The following FGF14 variants were observed in gnomAD, a reference collection of about 807,000 sequenced individuals.
FGF14 encodes the protein fibroblast growth factor homologous factor 4.
FGF14 carries 5 observed loss-of-function variants against 25.5 expected under a neutral mutation model. That is an observed-to-expected ratio of 0.20 (90% CI 0.10 to 0.41). FGF14 has a LOEUF of 0.41. Ranked by LOEUF, FGF14 falls within the 10% of genes least tolerant of loss-of-function variation. FGF14 has a pLI of 1.00. For synonymous variants in FGF14, 138 were observed against 118.3 expected (o/e 1.17, Z -1.08); for missense variants, 222 against 320.1 (o/e 0.69, Z 2.34).
chr13:101,871,816 T>C (rs2045105575), intron 2 of FGF14, among the ~76,000 whole-genome samples: 1 of 152,042 alleles, frequency 6.6e-6, no homozygotes, highest in Non-Finnish European at 1.5e-5. Context: ...GAAAGATCTT[T>C]CCATTATTAT....
At chr13:101,988,784 G>A (rs990053293) in intron 1 of FGF14, among the ~76,000 whole-genome samples, 3 of 151,946 alleles carry the variant, frequency 2.0e-5, no homozygotes, top group East Asian at 1.9e-4. Flanking sequence ...TGCAGCACAC[G>A]AACATGGCAC....
intron 1 of FGF14, among the ~76,000 whole-genome samples, chr13:102,067,404 G>C (rs1380989130): frequency 6.6e-6 from 1 of 151,826 alleles, no homozygotes; most frequent in Non-Finnish European, 1.5e-5. Flanking sequence ...GTGATGAATA[G>C]GATGTAATGA....
At chr13:102,044,588 C>T (rs1220756456) in intron 1 of FGF14, among the ~76,000 whole-genome samples, 1 of 152,012 alleles carries the variant, frequency 6.6e-6, no homozygotes, top group South Asian at 2.1e-4. Flanking sequence ...CTTGGAGATA[C>T]TCTGAAGCAT....
chr13:102,120,827 C>T (rs1367240908), intron 1 of FGF14, among the ~76,000 whole-genome samples: 1 of 151,990 alleles, frequency 6.6e-6, no homozygotes, highest in Non-Finnish European at 1.5e-5. Context: ...CCTCAGCCTC[C>T]CAAGTAGCTG....
chr13:101,753,667 G>A (rs954056956), intron 3 of FGF14, among the ~76,000 whole-genome samples: 2 of 152,032 alleles, frequency 1.3e-5, no homozygotes, highest in African/African-American at 4.8e-5. Context: ...GCTGGGCGTG[G>A]TGGCGCATGC....
At chr13:102,025,016 C>A (rs183042788) in intron 1 of FGF14, among the ~76,000 whole-genome samples, 3,066 of 150,422 alleles carry the variant, frequency 0.02, 102 homozygotes, top group African/African-American at 0.072. Flanking sequence ...CACAGACATG[C>A]ATATATATAT....
At chr13:102,175,133 G>A (rs1020314021) in intron 1 of FGF14, among the ~76,000 whole-genome samples, 17 of 152,096 alleles carry the variant, frequency 1.1e-4, no homozygotes, top group African/African-American at 3.6e-4. Context: ...GCCTTGAATA[G>A]CTAAAGCAAT....
At chr13:102,260,916 T>A (rs1180400771) in intron 1 of FGF14, among the ~76,000 whole-genome samples, 1 of 152,130 alleles carries the variant, frequency 6.6e-6, no homozygotes, top group Non-Finnish European at 1.5e-5. Context: ...CTTTCCTAAC[T>A]CCTCCAGAGA....
chr13:101,855,125 A>G (rs2044057852), intron 3 of FGF14, among the ~76,000 whole-genome samples: 1 of 152,138 alleles, frequency 6.6e-6, no homozygotes, highest in Middle Eastern at 3.4e-3. Flanking sequence ...CGCATTCTGC[A>G]TTCAACCCTT....
intron 1 of FGF14, among the ~76,000 whole-genome samples, chr13:102,185,049 CAAGTA>C (rs2048824606): frequency 6.6e-6 from 1 of 151,834 alleles, no homozygotes; most frequent in South Asian, 2.1e-4. Flanking sequence ...TTAAAAATGT[CAAGTA>C]AAGAAAGCAT....
rs372638498 is a variant in FGF14 at position 102,267,878 on chromosome 13, AT to A, written c.208+133592del. ...AATCAAAAAATAGTTATTCAAATGT[AT>A]TATCTAAGGATATTGAGAAAACTAC... On this transcript the variant is annotated intron_variant, in intron 1 of 4. Transcript: ENST00000376131. Among the ~76,000 whole-genome samples, 11 of 152,234 alleles carry A rather than the reference AT, an allele frequency of 7.2e-5. No individual in the cohort carries two copies. In the East Asian group the frequency reaches 1.9e-3, roughly 27 times the overall value.
intron 1 of FGF14, among the ~76,000 whole-genome samples, chr13:101,937,916 C>G (rs1028058562): frequency 6.6e-6 from 1 of 152,138 alleles, no homozygotes; most frequent in African/African-American, 2.4e-5. Flanking sequence ...TTATTTAAGC[C>G]ACCCAGTCTG....
chr13:102,164,990 T>C (rs897745384), intron 1 of FGF14, among the ~76,000 whole-genome samples: 4 of 151,830 alleles, frequency 2.6e-5, no homozygotes, highest in African/African-American at 9.7e-5. Flanking sequence ...GAGAGGAGAA[T>C]AGTGAGGGGA....
chr13:102,364,005 C>T (rs777530245), intron 1 of FGF14, among the ~76,000 whole-genome samples: 12 of 152,194 alleles, frequency 7.9e-5, no homozygotes, highest in African/African-American at 2.9e-4. Context: ...TTGTTTGCAC[C>T]TGAGATGGAG....
At position 101,875,066 on chromosome 13, in the gene FGF14, T is replaced by A. The variant is rs916160659; in HGVS notation, c.304+120A>T. 6.7e-6 allele frequency: 5 copies of A among 744,540 alleles called. No homozygotes were observed. In the African/African-American group the frequency reaches 8.6e-5, roughly 13 times the overall value. 46.1% of individuals were successfully genotyped at this position (744,540 alleles called of 1,614,324 possible). On this transcript the variant is annotated intron_variant, in intron 2 of 4. Transcript: ENST00000376143. The stretch of plus-strand genomic sequence containing the variant: ...AAATTGTAAATGGCATCCTAGTGTG[T>A]AACATTTGTAAAGATGAACCAACAC...
At chr13:102,351,981 A>C (rs1035627339) in intron 1 of FGF14, among the ~76,000 whole-genome samples, 7 of 152,216 alleles carry the variant, frequency 4.6e-5, no homozygotes, top group African/African-American at 1.7e-4. Context: ...TCAAACAACC[A>C]CAGTAAGCAG....
intron 1 of FGF14, among the ~76,000 whole-genome samples, chr13:102,269,983 G>GT (rs2053170754): frequency 6.6e-6 from 1 of 152,136 alleles, no homozygotes; most frequent in Non-Finnish European, 1.5e-5. Context: ...GCAGGGACCA[G>GT]TTTTTTTCCA....
At chr13:102,121,009 G>T (rs1360291223) in intron 1 of FGF14, among the ~76,000 whole-genome samples, 1 of 152,142 alleles carries the variant, frequency 6.6e-6, no homozygotes, top group Non-Finnish European at 1.5e-5. Context: ...CGGCCGAAAA[G>T]TGATCTTTAA....
chr13:101,956,892 T>C (rs934158038), intron 1 of FGF14, among the ~76,000 whole-genome samples: 4 of 152,062 alleles, frequency 2.6e-5, no homozygotes, highest in African/African-American at 9.7e-5. Context: ...TTTGTTTTTT[T>C]CTCTCTCTCT....
Sources: allele counts gnomAD v4.1 joint callset (sites outside exome capture counted in the v4.1 genomes callset), GRCh38; gene constraint gnomAD v4.1.1; transcripts MANE v1.5; gene names NCBI Gene and HGNC (gene_info 2026-07-23, HGNC 2026-07-21).